LRRC4C: variants seen among roughly 807,000 people sequenced by gnomAD.
The protein encoded by LRRC4C is leucine-rich repeat-containing protein 4C.
LRRC4C carries 5 observed loss-of-function variants against 33.6 expected under a neutral mutation model. The observed-to-expected ratio is 0.15, with a 90% CI of 0.08 to 0.31. The LOEUF (loss-of-function observed/expected upper bound fraction) is 0.31. LRRC4C is among the 10% of genes least tolerant of loss of function. The pLI, the probability that LRRC4C is intolerant of heterozygous loss-of-function variation, is 1.00. For missense variants in LRRC4C, 560 were observed against 796.7 expected, an observed-to-expected ratio of 0.70 and a Z score of 3.58; for synonymous variants, 329 against 302.0, an observed-to-expected ratio of 1.09 and a Z score of -0.93.
chr11:40,942,312 A>AATTATAATCCCAGCAAGAGGAC (rs1958190756), intron 1 of LRRC4C, among the ~76,000 whole-genome samples: 1 of 152,212 alleles, frequency 6.6e-6, no homozygotes, highest in Non-Finnish European at 1.5e-5. Flanking sequence ...ACTATCAGTC[A>AATTATAATCCCAGCAAGAGGAC]ATTATAATCC....
intron 4 of LRRC4C, among the ~76,000 whole-genome samples, chr11:40,264,160 A>G (rs532648890): frequency 1.3e-5 from 2 of 152,338 alleles, no homozygotes; most frequent in Non-Finnish European, 2.9e-5. Flanking sequence ...TACTAAATCC[A>G]TAAGTGCCAG....
intron 1 of LRRC4C, among the ~76,000 whole-genome samples, chr11:41,048,593 C>T (rs1857973743): frequency 1.3e-5 from 2 of 152,074 alleles, no homozygotes; most frequent in African/African-American, 2.4e-5. Context: ...ATTTTTTCAT[C>T]TTGGTCTACC....
At chr11:40,914,187 A>C (rs1442216537) in intron 2 of LRRC4C, among the ~76,000 whole-genome samples, 2 of 152,338 alleles carry the variant, frequency 1.3e-5, no homozygotes, top group Non-Finnish European at 2.9e-5. Context: ...ATCCTCCCTA[A>C]GTCATTTTAT....
chr11:40,670,917 C>G (rs551885749), intron 2 of LRRC4C, among the ~76,000 whole-genome samples: 1 of 152,282 alleles, frequency 6.6e-6, no homozygotes, highest in South Asian at 2.1e-4. Flanking sequence ...GTGCCCGCCA[C>G]CACGCCCTGC....
At chr11:41,259,120 G>A (rs968746775) in intron 1 of LRRC4C, among the ~76,000 whole-genome samples, 1 of 151,944 alleles carries the variant, frequency 6.6e-6, no homozygotes, top group Non-Finnish European at 1.5e-5. Context: ...AGTTGATTTT[G>A]TTGAGGGCAG....
intron 3 of LRRC4C, among the ~76,000 whole-genome samples, chr11:40,470,273 C>A (rs893075795): frequency 1.3e-5 from 2 of 152,168 alleles, no homozygotes; most frequent in Admixed American, 6.5e-5. Context: ...CACACTCCAG[C>A]AGACCTGCAG....
chr11:40,883,803 C>T (rs1955300966), intron 2 of LRRC4C, among the ~76,000 whole-genome samples: 1 of 151,340 alleles, frequency 6.6e-6, no homozygotes, highest in African/African-American at 2.4e-5. Flanking sequence ...ATAGAAATGA[C>T]TTTCTGTTAT....
chr11:41,180,655 A>G (rs764565539), intron 1 of LRRC4C, among the ~76,000 whole-genome samples: 1 of 152,172 alleles, frequency 6.6e-6, no homozygotes, highest in Non-Finnish European at 1.5e-5. Flanking sequence ...TGGCCACCCA[A>G]TACTGATGGT....
At position 40,398,840 on chromosome 11, in the gene LRRC4C, C is replaced by G. The variant is rs114953429; in HGVS notation, c.-269-79119G>C. On this transcript the variant is annotated intron_variant, in intron 3 of 6. Coordinates refer to ENST00000528697, the MANE Select transcript of LRRC4C (RefSeq NM_001258419.2). ...ATGGCCTACTAATAAGCCATCTTAACGAATAAGCAACAACACTGTCATCAT... is the reference window on the plus strand; with the variant it reads ...ATGGCCTACTAATAAGCCATCTTAAGGAATAAGCAACAACACTGTCATCAT... 7.5e-3 allele frequency among the ~76,000 whole-genome samples: 1,142 copies of G among 152,142 alleles called. 14 individuals carry two copies. Among genetic ancestry groups the G allele is most frequent in the African/African-American group, 0.026 (1,067 of 41,518 alleles).
chr11:40,870,349 T>C (rs1163059090), intron 2 of LRRC4C, among the ~76,000 whole-genome samples: 1 of 152,102 alleles, frequency 6.6e-6, no homozygotes, highest in Non-Finnish European at 1.5e-5. Context: ...TGGAGGATAG[T>C]ATGTACCTGG....
chr11:41,187,976 T>C (rs565664545), intron 1 of LRRC4C, among the ~76,000 whole-genome samples: 571 of 152,348 alleles, frequency 3.7e-3, no homozygotes, highest in Non-Finnish European at 6.3e-3. Context: ...TTTACATACA[T>C]AATAAGTGGC....
At chr11:40,632,647 C>T (rs1171661909) in intron 3 of LRRC4C, among the ~76,000 whole-genome samples, 1 of 152,196 alleles carries the variant, frequency 6.6e-6, no homozygotes, top group African/African-American at 2.4e-5. Context: ...TTAGGGAACG[C>T]TCACAAAACC....
At chr11:41,263,224 C>T (rs1235070663) in intron 1 of LRRC4C, among the ~76,000 whole-genome samples, 8 of 152,104 alleles carry the variant, frequency 5.3e-5, no homozygotes, top group Non-Finnish European at 4.4e-5. Context: ...TTCATGCCAA[C>T]ATTTATTATT....
chr11:40,361,852 A>G (rs1395482023), intron 3 of LRRC4C, among the ~76,000 whole-genome samples: 1 of 152,202 alleles, frequency 6.6e-6, no homozygotes, highest in Non-Finnish European at 1.5e-5. Flanking sequence ...ATGCTACCTG[A>G]CTTCAAACCA....
At chr11:41,036,562 G>T (rs930570163) in intron 1 of LRRC4C, among the ~76,000 whole-genome samples, 3 of 152,172 alleles carry the variant, frequency 2.0e-5, no homozygotes, top group African/African-American at 7.2e-5. Flanking sequence ...GGTGGAAAAA[G>T]AAGTTTAAAT....
At chr11:40,631,690 A>T (rs1371438702) in intron 3 of LRRC4C, among the ~76,000 whole-genome samples, 1 of 150,440 alleles carries the variant, frequency 6.6e-6, no homozygotes, top group Non-Finnish European at 1.5e-5. Flanking sequence ...AAGTAGAATT[A>T]AAAAAAAATG....
At chr11:41,408,790 G>A (rs1379200233) in intron 1 of LRRC4C, among the ~76,000 whole-genome samples, 2 of 147,896 alleles carry the variant, frequency 1.4e-5, no homozygotes, top group African/African-American at 2.6e-5. Flanking sequence ...AAAATTAAAT[G>A]GCTTGGCTTT....
At chr11:41,213,224 G>C (rs989284826) in intron 1 of LRRC4C, among the ~76,000 whole-genome samples, 2 of 152,086 alleles carry the variant, frequency 1.3e-5, no homozygotes, top group African/African-American at 4.8e-5. Context: ...AAACTAAACA[G>C]TATAAACATT....
chr11:40,501,979 T>A (rs1954797284), intron 3 of LRRC4C, among the ~76,000 whole-genome samples: 1 of 152,230 alleles, frequency 6.6e-6, no homozygotes, highest in African/African-American at 2.4e-5. Flanking sequence ...AATGCTTTGC[T>A]GCTTAGAAAT....
Sources: allele counts gnomAD v4.1 joint callset (sites outside exome capture counted in the v4.1 genomes callset), GRCh38; gene constraint gnomAD v4.1.1; transcripts MANE v1.5; gene names NCBI Gene and HGNC (gene_info 2026-07-23, HGNC 2026-07-21).